ITGB2: variants seen among roughly 807,000 people sequenced by gnomAD.
ITGB2 encodes the protein integrin beta-2.
A neutral mutation model predicts 86.8 loss-of-function variants in ITGB2; 56 were observed. That is an observed-to-expected ratio of 0.65 (90% CI 0.52 to 0.81). The LOEUF (loss-of-function observed/expected upper bound fraction) is 0.81. Ranked by LOEUF, ITGB2 falls within the 30% of genes least tolerant of loss-of-function variation. ITGB2 has a pLI of 0.00. For synonymous variants in ITGB2, 457 were observed against 450.4 expected, an observed-to-expected ratio of 1.01 and a Z score of -0.19; for missense variants, 948 against 1,061.2, an observed-to-expected ratio of 0.89 and a Z score of 1.48.
chr21:44,920,064 C>T (rs1218102731), intron 1 of ITGB2, among the ~76,000 whole-genome samples: 3 of 152,170 alleles, frequency 2.0e-5, no homozygotes, highest in Non-Finnish European at 4.4e-5. Flanking sequence ...GTGCCCGCTC[C>T]CCTACAGCAA....
chr21:44,888,551 A>G (rs987200466), intron 14 of ITGB2, 142 bp downstream of exon 14: 7 of 951,794 alleles, frequency 7.4e-6, no homozygotes, highest in Non-Finnish European at 9.7e-6. Flanking sequence ...TTGCAATGCC[A>G]AGGGCATCCC....
At chr21:44,904,893 C>T (rs979339229) in intron 4 of ITGB2, among the ~76,000 whole-genome samples, 9 of 152,190 alleles carry the variant, frequency 5.9e-5, no homozygotes, top group Admixed American at 4.6e-4. Context: ...CATTCACACC[C>T]GGCACTCCTG....
intron 10 of ITGB2, chr21:44,893,203 G>A (rs972095442): frequency 1.7e-5 from 10 of 594,234 alleles, no homozygotes; most frequent in Admixed American, 2.9e-5. Flanking sequence ...GGTCCTTCCA[G>A]TGGATGCTGC....
At chr21:44,892,552 C>A (rs2083801707) in intron 10 of ITGB2, among the ~76,000 whole-genome samples, 1 of 139,812 alleles carries the variant, frequency 7.2e-6, no homozygotes, top group Admixed American at 7.6e-5. Context: ...TTGTAGTGAG[C>A]CAAGATCGCA....
intron 11 of ITGB2, among the ~76,000 whole-genome samples, chr21:44,890,529 C>T (rs1285698872): frequency 2.0e-5 from 3 of 152,198 alleles, no homozygotes; most frequent in African/African-American, 4.8e-5. Context: ...GCTGCGATAC[C>T]GGTGCTCTGT....
At position 44,890,120 on chromosome 21, in the gene ITGB2, G is replaced by C. The variant is rs779515705; in HGVS notation, c.1515C>G (p.Ile505Met). 1 of 1,613,514 alleles carries C rather than the reference G, an allele frequency of 6.2e-7. No individual in the cohort carries two copies. The highest frequency in any genetic ancestry group is 8.5e-7 in the Non-Finnish European group (1 of 1,180,016). ...GSCRKDNNSIICSGLGDCVCG... is the reference protein window; with the variant it reads ...GSCRKDNNSIMCSGLGDCVCG... ...AGACACAGTCCCCCAGCCCTGAGCA[G>C]ATGATGGAGTTGTTGTCCTTCCGGC... The change falls in exon 12 of 16, where the codon ATC (isoleucine) becomes ATG (methionine). Residue 505 changes from isoleucine to methionine, a missense_variant. Physicochemically the swap from Ile to Met is conservative, Grantham distance 10 (BLOSUM62 1). Coordinates refer to ENST00000652462, the MANE Select transcript of ITGB2 (RefSeq NM_000211.5).
chr21:44,902,373 G>A (rs369470155), intron 5 of ITGB2, among the ~76,000 whole-genome samples: 59 of 151,988 alleles, frequency 3.9e-4, no homozygotes, highest in Non-Finnish European at 3.1e-4. Context: ...GTGTGTGAGC[G>A]TGCATTCACG....
chr21:44,899,736 T>C (rs991346943), intron 7 of ITGB2, among the ~76,000 whole-genome samples: 10 of 152,222 alleles, frequency 6.6e-5, no homozygotes, highest in Non-Finnish European at 1.3e-4. Flanking sequence ...TCCTGGCCCC[T>C]CTGAGCCATT....
At chr21:44,902,036 G>A (rs758270927) in intron 5 of ITGB2, among the ~76,000 whole-genome samples, 6 of 152,230 alleles carry the variant, frequency 3.9e-5, no homozygotes, top group South Asian at 2.1e-4. Flanking sequence ...GAACAGGTGC[G>A]TATGTGTATC....
At chr21:44,919,022 C>CGT (rs2084254718) in intron 1 of ITGB2, among the ~76,000 whole-genome samples, 1 of 143,870 alleles carries the variant, frequency 7.0e-6, no homozygotes. Context: ...CACTCGGAGG[C>CGT]ACCTGCAGTT....
chr21:44,902,184 G>A (rs1350998050), intron 5 of ITGB2, among the ~76,000 whole-genome samples: 4 of 152,240 alleles, frequency 2.6e-5, no homozygotes, highest in Admixed American at 2.0e-4. Context: ...AGGTACATAT[G>A]TGGGCATGTG....
chr21:44,902,680 C>T (rs994129089), intron 5 of ITGB2, among the ~76,000 whole-genome samples: 2 of 148,534 alleles, frequency 1.3e-5, no homozygotes, highest in African/African-American at 5.0e-5. Flanking sequence ...CGTGCATTTG[C>T]GTTTGAGCAT....
rs1271374592 is a variant in ITGB2, at chr21:44,910,804, T to C, written c.-3-19A>G. 3.7e-6 allele frequency: 6 copies of C among 1,608,174 alleles called. No individual in the cohort carries two copies. The Admixed American group carries it at 1.0e-4, about 27-fold the overall frequency. ...GCATGTCCTGTGGAGGGAAGGGGTC[T>C]TGGTGACGGTCTCAGGCCCAACCCC... On this transcript the variant is annotated intron_variant, in intron 1 of 15. Coordinates refer to ENST00000652462, the MANE Select transcript of ITGB2 (RefSeq NM_000211.5).
At position 44,889,964 on chromosome 21, in the gene ITGB2, A is replaced by T. The variant is rs774867906; in HGVS notation, c.1657+14T>A. On this transcript the variant is annotated intron_variant, in intron 12 of 15. Transcript: ENST00000652462. ...GCAGGACGGCCGTTGTCCAGCAGGG[A>T]CCCACGGGCTCACCCGGGCCGCCGC... 2 of 1,612,548 alleles carry T rather than the reference A, an allele frequency of 1.2e-6. No individual in the cohort carries two copies. The highest frequency in any genetic ancestry group is 1.7e-6 in the Non-Finnish European group (2 of 1,179,916).
At chr21:44,894,875 G>T in intron 9 of ITGB2, 96 bp downstream of exon 9, 2 of 912,826 alleles carry the variant, frequency 2.2e-6, no homozygotes, top group South Asian at 1.3e-5. Context: ...TTTCCTCCCA[G>T]ACCACCCTCC....
chr21:44,897,711 G>A (rs1212047272), intron 8 of ITGB2, among the ~76,000 whole-genome samples: 2 of 152,166 alleles, frequency 1.3e-5, no homozygotes, highest in Non-Finnish European at 2.9e-5. Flanking sequence ...CGGGGCACGT[G>A]GCTGTGTAAA....
chr21:44,913,192 G>A (rs1472411323), intron 1 of ITGB2, among the ~76,000 whole-genome samples: 2 of 152,046 alleles, frequency 1.3e-5, no homozygotes, highest in Admixed American at 1.3e-4. Context: ...GCGCCAAGTG[G>A]GGAGGGGGTG....
intron 5 of ITGB2, among the ~76,000 whole-genome samples, chr21:44,902,219 G>A (rs1384763410): frequency 6.6e-6 from 1 of 152,250 alleles, no homozygotes; most frequent in Non-Finnish European, 1.5e-5. Flanking sequence ...TTATACATGT[G>A]AGTGAAGACA....
At chr21:44,889,095 A>C in intron 13 of ITGB2, 181 bp downstream of exon 13, 1 of 704,758 alleles carries the variant, frequency 1.4e-6, no homozygotes, top group Non-Finnish European at 2.4e-6. Flanking sequence ...GCAGGTGCGC[A>C]CAGGAGGGAG....
Sources: allele counts gnomAD v4.1 joint callset (sites outside exome capture counted in the v4.1 genomes callset), GRCh38; gene constraint gnomAD v4.1.1; transcripts MANE v1.5; gene names NCBI Gene and HGNC (gene_info 2026-07-23, HGNC 2026-07-21).